The following GRM5 variants were observed in gnomAD, a reference collection of about 807,000 sequenced individuals.
GRM5 encodes metabotropic glutamate receptor 5.
Under a neutral mutation model 83.1 loss-of-function variants are expected in GRM5, and 19 were observed. That is an observed-to-expected ratio of 0.23 (90% CI 0.16 to 0.34). The LOEUF (loss-of-function observed/expected upper bound fraction) is 0.34, where lower values mean the gene tolerates loss of function less well. GRM5 is among the 10% of genes least tolerant of loss of function. The probability of loss-of-function intolerance (pLI) is 1.00; values close to 1 mark genes in which losing one functional copy is unlikely to be tolerated. For missense variants in GRM5, 1,160 were observed against 1,588.3 expected, an observed-to-expected ratio of 0.73 and a Z score of 4.58; for synonymous variants, 675 against 633.6, an observed-to-expected ratio of 1.07 and a Z score of -0.98.
chr11:88,635,435 C>G (rs747830982), intron 4 of GRM5, among the ~76,000 whole-genome samples: 2 of 152,054 alleles, frequency 1.3e-5, no homozygotes, highest in African/African-American at 2.4e-5. Context: ...GTGTTAAGCA[C>G]TTTTCATATA....
Position 88,854,056 on chromosome 11 carries a change from G to GTATATATATATATATATATATATA in GRM5, c.662-3902_662-3901insTATATATATATATATATATATATA, listed in dbSNP as rs1565262477. On this transcript the variant is annotated intron_variant, in intron 2 of 9. Coordinates refer to ENST00000305447, the MANE Select transcript of GRM5 (RefSeq NM_001143831.3). ...ACAGATAAATGAATTAAAAAATGTG[G>GTATATATATATATATATATATATA]TGTATATATATATATATATATACAC... Among the ~76,000 whole-genome samples the GTATATATATATATATATATATATA allele has an allele frequency of 1.7e-4, 3 of 17,770 alleles. No individual in the cohort carries two copies. The Admixed American group carries it at 3.3e-3, about 20-fold the overall frequency. The allele number at this position is 17,770 out of a possible 152,430, so 11.7% of individuals were successfully genotyped here. A position where few individuals can be genotyped will look rare whatever the true frequency, so the allele number is the denominator to read the frequency against.
At chr11:88,581,181 T>G (rs1031180731) in intron 7 of GRM5, among the ~76,000 whole-genome samples, 4 of 152,190 alleles carry the variant, frequency 2.6e-5, no homozygotes, top group African/African-American at 9.6e-5. Flanking sequence ...ATTTTCTTCT[T>G]CATTCATTCT....
intron 3 of GRM5, among the ~76,000 whole-genome samples, chr11:88,767,468 T>C (rs983890734): frequency 6.6e-6 from 1 of 152,036 alleles, no homozygotes; most frequent in African/African-American, 2.4e-5. Flanking sequence ...ATGTGGTACA[T>C]GTACACCATG....
intron 3 of GRM5, among the ~76,000 whole-genome samples, chr11:88,836,470 C>A (rs1287411337): frequency 6.6e-6 from 1 of 152,030 alleles, no homozygotes; most frequent in African/African-American, 2.4e-5. Flanking sequence ...TATGATAGTT[C>A]ACATCTTCTG....
chr11:88,690,452 C>A (rs1940754156), intron 3 of GRM5, among the ~76,000 whole-genome samples: 1 of 151,782 alleles, frequency 6.6e-6, no homozygotes, highest in African/African-American at 2.4e-5. Context: ...TGCACAACTC[C>A]CCAGTGATAT....
intron 7 of GRM5, among the ~76,000 whole-genome samples, chr11:88,580,063 C>G (rs750557497): frequency 3.9e-5 from 6 of 152,258 alleles, no homozygotes; most frequent in Non-Finnish European, 7.3e-5. Flanking sequence ...AGTAGATTGA[C>G]TCCAAAGTTA....
intron 3 of GRM5, among the ~76,000 whole-genome samples, chr11:88,746,724 A>G (rs1942153571): frequency 6.6e-6 from 1 of 152,210 alleles, no homozygotes; most frequent in Non-Finnish European, 1.5e-5. Context: ...GAGACTGTTA[A>G]TATGCTAGAA....
At chr11:88,885,417 A>G (rs1252187297) in intron 2 of GRM5, among the ~76,000 whole-genome samples, 1 of 138,972 alleles carries the variant, frequency 7.2e-6, no homozygotes, top group African/African-American at 2.7e-5. Context: ...AGTCATCATT[A>G]GTAAAATTTC....
At chr11:88,686,392 G>A (rs1468547396) in intron 3 of GRM5, among the ~76,000 whole-genome samples, 1 of 152,178 alleles carries the variant, frequency 6.6e-6, no homozygotes, top group Non-Finnish European at 1.5e-5. Flanking sequence ...CAGGCTCATA[G>A]GTGGAAGGGA....
At chr11:88,603,133 A>G (rs998194441) in intron 5 of GRM5, among the ~76,000 whole-genome samples, 2 of 152,210 alleles carry the variant, frequency 1.3e-5, no homozygotes, top group African/African-American at 4.8e-5. Context: ...TCTTGAAGGG[A>G]TGATTGTTCC....
chr11:88,685,889 G>T (rs1472757063), intron 3 of GRM5, among the ~76,000 whole-genome samples: 1 of 152,208 alleles, frequency 6.6e-6, no homozygotes, highest in Non-Finnish European at 1.5e-5. Context: ...GAAGTTTGCT[G>T]CAGGATTGGG....
intron 2 of GRM5, among the ~76,000 whole-genome samples, chr11:89,039,378 T>C (rs1941473980): frequency 6.6e-6 from 1 of 151,940 alleles, no homozygotes; most frequent in South Asian, 2.1e-4. Flanking sequence ...GAAGAACAAA[T>C]AGTCCAACAT....
intron 1 of GRM5, among the ~76,000 whole-genome samples, chr11:89,050,048 G>C (rs1173775559): frequency 1.3e-5 from 2 of 152,176 alleles, no homozygotes; most frequent in Non-Finnish European, 1.5e-5. Flanking sequence ...TGATATGAGA[G>C]ACCTGGTGTC....
At chr11:88,653,440 A>C (rs200160723) in intron 3 of GRM5, 37 bp from the exon 4 acceptor site, 8 of 1,394,348 alleles carry the variant, frequency 5.7e-6, no homozygotes, top group African/African-American at 2.8e-5. Context: ...CTTAGAACAG[A>C]TATCTCCTAA....
At chr11:88,528,110 CAAA>C (rs371506255) in intron 8 of GRM5, among the ~76,000 whole-genome samples, 1 of 27,714 alleles carries the variant, frequency 3.6e-5, no homozygotes, top group East Asian at 1.5e-3. Context: ...AGAAACAAAA[CAAA>C]AAACAAAAAC....
intron 2 of GRM5, among the ~76,000 whole-genome samples, chr11:88,876,104 A>G (rs989763750): frequency 6.6e-5 from 10 of 152,144 alleles, no homozygotes; most frequent in African/African-American, 1.9e-4. Flanking sequence ...TCTTCTTCCA[A>G]TACAAGTCTG....
intron 2 of GRM5, among the ~76,000 whole-genome samples, chr11:88,949,154 A>T (rs1042209860): frequency 6.6e-6 from 1 of 152,230 alleles, no homozygotes; most frequent in Non-Finnish European, 1.5e-5. Flanking sequence ...ATTATGTAAT[A>T]AAAGTACAGT....
At chr11:88,631,457 TTGTAAG>T (rs1425015999) in intron 4 of GRM5, among the ~76,000 whole-genome samples, 1 of 152,218 alleles carries the variant, frequency 6.6e-6, no homozygotes, top group Non-Finnish European at 1.5e-5. Flanking sequence ...GCACAATCGA[TTGTAAG>T]TGTAAAGTTT....
intron 2 of GRM5, among the ~76,000 whole-genome samples, chr11:88,971,881 A>G (rs1292652719): frequency 1.3e-5 from 2 of 152,116 alleles, no homozygotes; most frequent in Non-Finnish European, 2.9e-5. Context: ...TCCAGGGCTG[A>G]GGCAGGGAAA....
Sources: gnomAD v4.1 joint callset for allele counts (sites outside exome capture counted in the v4.1 genomes callset) on GRCh38, gnomAD v4.1.1 for gene constraint, MANE v1.5 for transcripts, NCBI Gene and HGNC (gene_info 2026-07-23, HGNC 2026-07-21) for gene names.